ACVR1C: variants seen among roughly 807,000 people sequenced by gnomAD.
ACVR1C encodes the protein activin A receptor type 1C.
Under a neutral mutation model 57.9 loss-of-function variants are expected in ACVR1C, and 23 were observed. The ratio of observed to expected loss-of-function variants is 0.40; its 90% CI spans 0.29 to 0.56. The LOEUF is 0.56. ACVR1C is among the 20% of genes least tolerant of loss of function. The pLI, the probability that ACVR1C is intolerant of heterozygous loss-of-function variation, is 0.50. For synonymous variants in ACVR1C, 214 were observed against 215.3 expected (o/e 0.99, Z 0.05); for missense variants, 480 against 607.9 (o/e 0.79, Z 2.21).
At chr2:157,597,701 C>T in intron 1 of ACVR1C, 1 of 363,314 alleles carries the variant, frequency 2.8e-6, no homozygotes, top group Non-Finnish European at 3.8e-6. Flanking sequence ...ACCTGTGTGT[C>T]TTTAAAATAA....
rs1300061993 is a variant in ACVR1C at position 157,587,353 on chromosome 2, A to G, written c.138T>C (p.Cys46=). The change falls in exon 2 of 9, where the codon TGT becomes TGC. Residue 46 remains cysteine, a synonymous_variant. Transcript: ENST00000243349. The stretch of plus-strand genomic sequence containing the variant: ...CATTGGTTAGCATGACTGATGCCCA[A>G]CATGCTCCTTCTGTTTGGCAGGTGA... ...SNFTCQTEGA[C]WASVMLTNGK... The G allele has an allele frequency of 2.5e-6, 4 of 1,613,530 alleles. No individual in the cohort carries two copies. In the African/African-American group the frequency reaches 5.3e-5, roughly 22 times the overall value.
At chr2:157,588,225 T>C (rs1240106782) in intron 1 of ACVR1C, among the ~76,000 whole-genome samples, 1 of 140,428 alleles carries the variant, frequency 7.1e-6, no homozygotes, top group Non-Finnish European at 1.5e-5. Context: ...TCCCCAACAT[T>C]CTCCACTTAC....
At chr2:157,546,494 G>T (rs144995316) in intron 4 of ACVR1C, among the ~76,000 whole-genome samples, 1 of 152,134 alleles carries the variant, frequency 6.6e-6, no homozygotes, top group East Asian at 1.9e-4. Flanking sequence ...TTAACTATAG[G>T]TTCTTAATTT....
chr2:157,579,227 C>G (rs1421990575), intron 2 of ACVR1C, among the ~76,000 whole-genome samples: 2 of 152,282 alleles, frequency 1.3e-5, no homozygotes, highest in East Asian at 3.9e-4. Flanking sequence ...AATTTTCTCT[C>G]CCCTCTCTTT....
intron 3 of ACVR1C, among the ~76,000 whole-genome samples, chr2:157,555,005 A>G (rs985715734): frequency 1.3e-4 from 19 of 151,940 alleles, no homozygotes; most frequent in Non-Finnish European, 1.2e-4. Flanking sequence ...AAAAGATAAA[A>G]AAATAAAAAA....
intron 7 of ACVR1C, 123 bp downstream of exon 7, chr2:157,540,967 G>T (rs1687612843): frequency 6.7e-6 from 8 of 1,199,982 alleles, no homozygotes; most frequent in East Asian, 4.9e-5. Flanking sequence ...TCACCAAAAG[G>T]TATTCTCTTA....
chr2:157,562,931 A>G (rs1688276717), intron 2 of ACVR1C, among the ~76,000 whole-genome samples: 3 of 152,228 alleles, frequency 2.0e-5, no homozygotes, highest in Admixed American at 1.3e-4. Context: ...CCTTGATATT[A>G]AAAACCCTCA....
At chr2:157,558,797 G>A (rs929040661) in intron 2 of ACVR1C, among the ~76,000 whole-genome samples, 4 of 152,144 alleles carry the variant, frequency 2.6e-5, no homozygotes, top group African/African-American at 9.7e-5. Flanking sequence ...AACTTCTGAA[G>A]TTTGCTGTTA....
In ACVR1C at chr2:157,530,853, G is replaced by A. The variant is rs1420806591; in HGVS notation, c.*3065C>T. ...ATCTGTACCAATTACAAACTTAAAG[G>A]CAAAATTTACAAGGCAACAAGTTCA... is the stretch of plus-strand genomic sequence containing the variant. On this transcript the variant is annotated 3_prime_UTR_variant, in exon 9 of 9. Transcript: ENST00000243349. 1 of 151,966 alleles carries A rather than the reference G, an allele frequency of 6.6e-6. No individual in the cohort carries two copies. Among genetic ancestry groups the A allele is most frequent in the Non-Finnish European group, 1.5e-5 (1 of 67,932 alleles). 9.4% of individuals were successfully genotyped at this position (151,966 alleles called of 1,614,324 possible).
At chr2:157,555,082 C>G (rs914392515) in intron 3 of ACVR1C, among the ~76,000 whole-genome samples, 2 of 148,328 alleles carry the variant, frequency 1.3e-5, no homozygotes, top group African/African-American at 5.0e-5. Context: ...GGCTATAATA[C>G]AGCCTGGTAC....
At chr2:157,588,632 C>T (rs147581044) in intron 1 of ACVR1C, among the ~76,000 whole-genome samples, 1,756 of 138,266 alleles carry the variant, frequency 0.013, 12 homozygotes, top group Middle Eastern at 0.082. Flanking sequence ...CTTTACGTCT[C>T]TCTGTATGCC....
intron 1 of ACVR1C, among the ~76,000 whole-genome samples, chr2:157,616,918 CAGA>C (rs148459606): frequency 0.063 from 9,583 of 151,634 alleles, 464 homozygotes; most frequent in East Asian, 0.23. Context: ...AAAAGAGGAA[CAGA>C]AGAATAATAA....
rs1438842780 is a variant in ACVR1C, at chr2:157,530,462, G to A, written c.*3456C>T. 1 of 152,054 alleles carries A rather than the reference G, an allele frequency of 6.6e-6. No homozygotes were observed. Among genetic ancestry groups the A allele is most frequent in the African/African-American group, 2.4e-5 (1 of 41,418 alleles). 9.4% of individuals were successfully genotyped at this position (152,054 alleles called of 1,614,324 possible). A position where few individuals can be genotyped will look rare whatever the true frequency, so the allele number is the denominator to read the frequency against. On this transcript the variant is annotated 3_prime_UTR_variant, in exon 9 of 9. Coordinates refer to ENST00000243349, the MANE Select transcript of ACVR1C (RefSeq NM_145259.3). ...TTTCTCTGCCCCAATAAGTCACATG[G>A]TGGCAAAATTCCAGGAAAATAGGAG...
chr2:157,555,388 G>A (rs1328642994), intron 3 of ACVR1C, among the ~76,000 whole-genome samples: 1 of 151,874 alleles, frequency 6.6e-6, no homozygotes, highest in African/African-American at 2.4e-5. Context: ...CAAAGTGCTG[G>A]GATTACAGGC....
rs182155851 is a variant in ACVR1C at position 157,530,568 on chromosome 2, T to G, written c.*3350A>C. ...AATTATTCTGGAACTTCTAACCTAATGAATCTATTGTAGATTTTCATTTTT... is the reference window on the plus strand; with the variant it reads ...AATTATTCTGGAACTTCTAACCTAAGGAATCTATTGTAGATTTTCATTTTT... On this transcript the variant is annotated 3_prime_UTR_variant, in exon 9 of 9. Transcript: ENST00000243349. 1 of 152,264 alleles carries G rather than the reference T, an allele frequency of 6.6e-6. No individual in the cohort carries two copies. Among genetic ancestry groups the G allele is most frequent in the East Asian group, 1.9e-4 (1 of 5,190 alleles). 9.4% of individuals were successfully genotyped at this position (152,264 alleles called of 1,614,324 possible). A position where few individuals can be genotyped will look rare whatever the true frequency, so the allele number is the denominator to read the frequency against.
At chr2:157,549,581 A>G (rs531559040) in intron 4 of ACVR1C, among the ~76,000 whole-genome samples, 20 of 152,254 alleles carry the variant, frequency 1.3e-4, no homozygotes, top group African/African-American at 4.8e-4. Context: ...TCTGGACATC[A>G]TGATTTCCCA....
Position 157,528,288 on chromosome 2 carries a change from C to T in ACVR1C, c.*5630G>A, listed in dbSNP as rs988277804. 1 of 152,072 alleles carries T rather than the reference C, an allele frequency of 6.6e-6. No individual in the cohort carries two copies. The highest frequency in any genetic ancestry group is 1.5e-5 in the Non-Finnish European group (1 of 68,000). The allele number at this position is 152,072 out of a possible 1,614,324, so 9.4% of individuals were successfully genotyped here. A position where few individuals can be genotyped will look rare whatever the true frequency, so the allele number is the denominator to read the frequency against. On this transcript the variant is annotated 3_prime_UTR_variant, in exon 9 of 9. Transcript: ENST00000243349. ...TGGGTATAAGGGTAATCTCCTAAGG[C>T]ACTCAGATTCTTAGTGGCCCTATTA...
chr2:157,609,143 C>T (rs965693709), intron 1 of ACVR1C, among the ~76,000 whole-genome samples: 1 of 151,696 alleles, frequency 6.6e-6, no homozygotes, highest in Non-Finnish European at 1.5e-5. Context: ...TTTGCTATAT[C>T]CCACAGGTTT....
At chr2:157,565,031 G>A (rs1046261754) in intron 2 of ACVR1C, among the ~76,000 whole-genome samples, 1 of 152,020 alleles carries the variant, frequency 6.6e-6, no homozygotes, top group Non-Finnish European at 1.5e-5. Flanking sequence ...CCTAGATAAT[G>A]GGTTGATAGG....
Sources: allele counts gnomAD v4.1 joint callset (sites outside exome capture counted in the v4.1 genomes callset), GRCh38; gene constraint gnomAD v4.1.1; transcripts MANE v1.5; gene names NCBI Gene and HGNC (gene_info 2026-07-23, HGNC 2026-07-21).